Variants in DDX10 observed in about 807,000 individuals in gnomAD.
DDX10 encodes probable ATP-dependent RNA helicase DDX10.
In DDX10, 74 loss-of-function variants were observed where a neutral mutation model predicts 104.3. The observed-to-expected ratio is 0.71, with a 90% confidence interval of 0.59 to 0.86. DDX10 has a LOEUF of 0.86. DDX10 is among the 40% of genes least tolerant of loss of function. DDX10 has a pLI of 0.00. For missense variants in DDX10, 952 were observed against 1,040.0 expected, an observed-to-expected ratio of 0.92 and a Z score of 1.16; for synonymous variants, 351 against 353.4, an observed-to-expected ratio of 0.99 and a Z score of 0.08.
intron 16 of DDX10, among the ~76,000 whole-genome samples, chr11:108,873,571 C>A (rs929531187): frequency 6.6e-6 from 1 of 152,112 alleles, no homozygotes; most frequent in Non-Finnish European, 1.5e-5. Flanking sequence ...TTTATCCTTC[C>A]GAGAACACCT....
intron 13 of DDX10, among the ~76,000 whole-genome samples, chr11:108,810,893 C>T (rs181711471): frequency 3.9e-5 from 6 of 152,254 alleles, no homozygotes; most frequent in East Asian, 3.9e-4. Context: ...ACCACCAACC[C>T]GTTTCGCACC....
chr11:108,872,823 C>G (rs915718596), intron 16 of DDX10, among the ~76,000 whole-genome samples: 1 of 145,780 alleles, frequency 6.9e-6, no homozygotes, highest in Non-Finnish European at 1.5e-5. Flanking sequence ...TTTCCGTTCC[C>G]CCCCCCTCCC....
At chr11:108,720,016 C>T (rs1401843302) in intron 12 of DDX10, 131 bp downstream of exon 12, 5 of 652,422 alleles carry the variant, frequency 7.7e-6, no homozygotes, top group Middle Eastern at 3.9e-4. Flanking sequence ...AGTCCACCCA[C>T]CTCAACTTCC....
intron 9 of DDX10, among the ~76,000 whole-genome samples, chr11:108,699,950 G>C (rs150812999): frequency 2.6e-4 from 39 of 152,174 alleles, no homozygotes; most frequent in South Asian, 6.2e-4. Flanking sequence ...TTGCATAGAT[G>C]GACTATTTGT....
intron 13 of DDX10, among the ~76,000 whole-genome samples, chr11:108,800,235 A>C (rs1010108004): frequency 2.7e-5 from 4 of 149,134 alleles, no homozygotes; most frequent in Non-Finnish European, 5.9e-5. Flanking sequence ...CGAGGTCAGG[A>C]GATTGAGACC....
chr11:108,929,392 C>T (rs1863948847), intron 17 of DDX10: 1 of 152,178 alleles, frequency 6.6e-6, no homozygotes, highest in African/African-American at 2.4e-5. Context: ...AATGATTCAT[C>T]CTAGTGTTCT....
At chr11:108,852,554 T>A (rs1336214857) in intron 16 of DDX10, among the ~76,000 whole-genome samples, 2 of 152,218 alleles carry the variant, frequency 1.3e-5, no homozygotes, top group Admixed American at 6.5e-5. Context: ...CCTGATAGGA[T>A]TTTCATCTGT....
intron 15 of DDX10, 120 bp from the exon 16 acceptor site, chr11:108,852,033 T>C (rs1292571142): frequency 8.0e-6 from 6 of 750,310 alleles, no homozygotes; most frequent in South Asian, 3.9e-5. Context: ...TCAGTAAATA[T>C]TTGTTGAAAA....
At chr11:108,933,032 C>A (rs543707945) in intron 17 of DDX10, among the ~76,000 whole-genome samples, 2 of 151,776 alleles carry the variant, frequency 1.3e-5, no homozygotes, top group African/African-American at 4.9e-5. Context: ...ATGACACTTA[C>A]TAAAGAAGGG....
intron 1 of DDX10, among the ~76,000 whole-genome samples, chr11:108,670,449 C>A (rs921484334): frequency 6.6e-6 from 1 of 152,126 alleles, no homozygotes; most frequent in African/African-American, 2.4e-5. Flanking sequence ...AGTCACTGAT[C>A]CAAAATTGTC....
intron 13 of DDX10, among the ~76,000 whole-genome samples, chr11:108,818,925 T>C (rs1402643375): frequency 6.6e-6 from 1 of 152,210 alleles, no homozygotes; most frequent in African/African-American, 2.4e-5. Flanking sequence ...TTTAAGAAAT[T>C]CTCAAAGTTT....
At chr11:108,688,879 G>T in intron 6 of DDX10, 57 bp from the exon 7 acceptor site, 6 of 1,564,698 alleles carry the variant, frequency 3.8e-6, no homozygotes, top group Admixed American at 1.8e-5. Flanking sequence ...TTTTGGTCTG[G>T]ATTTCAGTTA....
chr11:108,809,422 CAG>C (rs1314763430), intron 13 of DDX10, among the ~76,000 whole-genome samples: 1 of 152,146 alleles, frequency 6.6e-6, no homozygotes, highest in Non-Finnish European at 1.5e-5. Context: ...AAACAGGAAA[CAG>C]AGAACAAGCT....
Position 108,689,542 on chromosome 11 carries a change from C to G in DDX10, c.975+480C>G, listed in dbSNP as rs190439033. Among the ~76,000 whole-genome samples, 190 of 152,278 alleles carry G rather than the reference C, an allele frequency of 1.2e-3. 1 individual carries two copies. Among genetic ancestry groups the G allele is most frequent in the African/African-American group, 4.5e-3 (186 of 41,552 alleles). On this transcript the variant is annotated intron_variant, in intron 7 of 17. Transcript: ENST00000322536. ...CCTGAAAGTCCCTTTCTGACACTCCCTTTTTAAAGAATCAGTTGTTCCCTC... is the reference window on the plus strand; with the variant it reads ...CCTGAAAGTCCCTTTCTGACACTCCGTTTTTAAAGAATCAGTTGTTCCCTC...
chr11:108,745,869 T>A (rs1182970192), intron 13 of DDX10, among the ~76,000 whole-genome samples: 1 of 152,210 alleles, frequency 6.6e-6, no homozygotes, highest in Non-Finnish European at 1.5e-5. Flanking sequence ...TTCCATTGTT[T>A]TTCTTTTAGT....
intron 10 of DDX10, among the ~76,000 whole-genome samples, chr11:108,708,571 A>T (rs1356163867): frequency 2.1e-5 from 3 of 143,360 alleles, no homozygotes; most frequent in African/African-American, 2.6e-5. Context: ...TGTTCATAGT[A>T]TTTTTTTTTT....
At chr11:108,768,149 G>C (rs940777299) in intron 13 of DDX10, 1 of 152,178 alleles carries the variant, frequency 6.6e-6, no homozygotes, top group African/African-American at 2.4e-5. Flanking sequence ...CCAGTCAACA[G>C]TAGGCTATTA....
intron 13 of DDX10, among the ~76,000 whole-genome samples, chr11:108,817,094 C>A (rs558502114): frequency 3.9e-4 from 59 of 152,278 alleles, no homozygotes; most frequent in Non-Finnish European, 6.8e-4. Context: ...TAGCCTATGG[C>A]AAAATTGGTT....
At chr11:108,686,285 C>G (rs1186224865) in intron 6 of DDX10, among the ~76,000 whole-genome samples, 1 of 152,168 alleles carries the variant, frequency 6.6e-6, no homozygotes, top group African/African-American at 2.4e-5. Flanking sequence ...AGGGTTCACT[C>G]TTGGTGTGGT....
Sources: gnomAD v4.1 joint callset for allele counts (sites outside exome capture counted in the v4.1 genomes callset) on GRCh38, gnomAD v4.1.1 for gene constraint, MANE v1.5 for transcripts, NCBI Gene and HGNC (gene_info 2026-07-23, HGNC 2026-07-21) for gene names.